The following STARD13 variants were observed in gnomAD, a reference collection of about 807,000 sequenced individuals.
STARD13 encodes stAR-related lipid transfer protein 13.
In STARD13, 62 loss-of-function variants were observed where a neutral mutation model predicts 106.4. The observed-to-expected ratio is 0.58, with a 90% CI of 0.48 to 0.72. STARD13 has a LOEUF of 0.72. Among genes scored for constraint, STARD13 ranks in the 30% least tolerant of loss-of-function variants. STARD13 has a pLI of 0.00. For missense variants in STARD13, 1,387 were observed against 1,424.0 expected (o/e 0.97, Z 0.42); for synonymous variants, 565 against 553.0 (o/e 1.02, Z -0.31).
chr13:33,503,640 C>T, the STARD13 span, among the ~76,000 whole-genome samples: 1 of 152,132 alleles, frequency 6.6e-6, no homozygotes, highest in Non-Finnish European at 1.5e-5. Flanking sequence ...TCGTTATGTA[C>T]CCAGTAGTCA....
At chr13:33,598,911 A>C in the STARD13 span, among the ~76,000 whole-genome samples, 1 of 152,222 alleles carries the variant, frequency 6.6e-6, no homozygotes, top group Non-Finnish European at 1.5e-5. Context: ...GTTTCCTAAA[A>C]AATTTAGGTT....
chr13:33,446,034 G>A, the STARD13 span, among the ~76,000 whole-genome samples: 100 of 151,764 alleles, frequency 6.6e-4, no homozygotes, highest in Non-Finnish European at 1.2e-3. Context: ...AAAAGTATAG[G>A]GTTTAAAAAA....
chr13:33,331,069 A>C (rs71438007), intron 1 of STARD13, among the ~76,000 whole-genome samples: 1 of 152,232 alleles, frequency 6.6e-6, no homozygotes, highest in African/African-American at 2.4e-5. Flanking sequence ...AATAATTTGC[A>C]GACTATCCAA....
At chr13:33,226,989 G>C (rs1888659770) in intron 1 of STARD13, among the ~76,000 whole-genome samples, 1 of 152,030 alleles carries the variant, frequency 6.6e-6, no homozygotes, top group Non-Finnish European at 1.5e-5. Flanking sequence ...TATAATTTCT[G>C]AAGTTTTAAA....
intron 3 of STARD13, 69 bp from the exon 4 acceptor site, chr13:33,142,442 TC>T (rs1464283462): frequency 2.2e-6 from 3 of 1,376,840 alleles, no homozygotes; most frequent in Non-Finnish European, 3.1e-6. Flanking sequence ...TTGATAATCC[TC>T]CTTTATTTCC....
At chr13:33,309,229 A>T (rs1213606453) in intron 1 of STARD13, among the ~76,000 whole-genome samples, 1 of 152,188 alleles carries the variant, frequency 6.6e-6, no homozygotes, top group East Asian at 1.9e-4. Context: ...TGCCTCCTCC[A>T]TGAGCCCTCC....
At chr13:33,255,100 C>CG (rs910094239) in intron 1 of STARD13, among the ~76,000 whole-genome samples, 29 of 136,632 alleles carry the variant, frequency 2.1e-4, no homozygotes, top group Admixed American at 3.4e-4. Flanking sequence ...CTGTGTGCTC[C>CG]CCCCCCCCTC....
At chr13:33,494,571 A>AT in the STARD13 span, among the ~76,000 whole-genome samples, 1 of 152,086 alleles carries the variant, frequency 6.6e-6, no homozygotes, top group African/African-American at 2.4e-5. Context: ...TTCCCGGCTT[A>AT]TTTTTGACAC....
the STARD13 span, among the ~76,000 whole-genome samples, chr13:33,443,604 G>A: frequency 9.9e-5 from 15 of 152,044 alleles, no homozygotes; most frequent in Non-Finnish European, 1.5e-4. Context: ...AGGATGTCTC[G>A]GCCATGTGTG....
chr13:33,128,093 C>T (rs1365895210), intron 5 of STARD13, among the ~76,000 whole-genome samples: 1 of 151,112 alleles, frequency 6.6e-6, no homozygotes. Flanking sequence ...AGAGACAGAG[C>T]AAGAGACAGA....
At chr13:33,106,692 C>A (rs1421415237) in intron 13 of STARD13, 66 bp downstream of exon 13, 5 of 1,378,116 alleles carry the variant, frequency 3.6e-6, no homozygotes, top group Non-Finnish European at 4.9e-6. Context: ...GACATCCCTG[C>A]TGGATGTGCT....
chr13:33,194,047 G>T (rs1441406983), intron 1 of STARD13, among the ~76,000 whole-genome samples: 2 of 152,046 alleles, frequency 1.3e-5, no homozygotes, highest in African/African-American at 4.8e-5. Flanking sequence ...TGATCCCAGA[G>T]ACCTCAAGGA....
intron 1 of STARD13, among the ~76,000 whole-genome samples, chr13:33,240,563 T>C (rs1460106702): frequency 6.6e-6 from 1 of 152,166 alleles, no homozygotes; most frequent in Non-Finnish European, 1.5e-5. Context: ...CTTTCAGCAA[T>C]GTCTGCAGTT....
the STARD13 span, among the ~76,000 whole-genome samples, chr13:33,608,723 T>C: frequency 6.6e-6 from 1 of 151,972 alleles, no homozygotes; most frequent in African/African-American, 2.4e-5. Flanking sequence ...GGCTTAAAGA[T>C]TGAAATTAAA....
chr13:33,167,916 T>A (rs1242000819), intron 1 of STARD13, among the ~76,000 whole-genome samples: 1 of 151,322 alleles, frequency 6.6e-6, no homozygotes, highest in Non-Finnish European at 1.5e-5. Flanking sequence ...CAGGGAAAAA[T>A]GTCTTATTTA....
intron 4 of STARD13, among the ~76,000 whole-genome samples, chr13:33,134,507 G>A (rs1172062144): frequency 6.6e-6 from 1 of 152,196 alleles, no homozygotes; most frequent in Non-Finnish European, 1.5e-5. Flanking sequence ...ATCATTTTAA[G>A]AGTAACTTGA....
chr13:33,386,225 T>A, the STARD13 span, among the ~76,000 whole-genome samples: 1 of 152,202 alleles, frequency 6.6e-6, no homozygotes, highest in African/African-American at 2.4e-5. Flanking sequence ...GACAACCTCA[T>A]TTTCATAATT....
exon 2 of STARD13, chr13:33,349,121 A>G (rs2078045170): frequency 1.4e-6 from 1 of 702,236 alleles, no homozygotes; most frequent in Non-Finnish European, 2.6e-6. Context: ...CCGCTTCACC[A>G]GTGGTGTCCT....
chr13:33,475,961 T>G, the STARD13 span, among the ~76,000 whole-genome samples: 8 of 149,914 alleles, frequency 5.3e-5, no homozygotes, highest in Admixed American at 2.0e-4. Flanking sequence ...GTCTCAAAAA[T>G]AAAAAAAAGA....
Sources: allele counts gnomAD v4.1 joint callset (sites outside exome capture counted in the v4.1 genomes callset), GRCh38; gene constraint gnomAD v4.1.1; transcripts MANE v1.5; gene names NCBI Gene and HGNC (gene_info 2026-07-23, HGNC 2026-07-21).